The following STX8 variants were observed in gnomAD, a reference collection of about 807,000 sequenced individuals.
STX8 encodes the protein syntaxin-8.
A neutral mutation model predicts 37.5 loss-of-function variants in STX8; 23 were observed. The ratio of observed to expected loss-of-function variants is 0.61; its 90% confidence interval spans 0.44 to 0.87. STX8 has a LOEUF of 0.87. Among genes scored for constraint, STX8 ranks in the 40% least tolerant of loss-of-function variants. The pLI, the probability that STX8 is intolerant of heterozygous loss-of-function variation, is 0.00. For missense variants in STX8, 313 were observed against 284.7 expected (o/e 1.10, Z -0.71); for synonymous variants, 115 against 99.1 (o/e 1.16, Z -0.95).
At chr17:9,502,564 A>G (rs906469656) in intron 5 of STX8, among the ~76,000 whole-genome samples, 1 of 152,224 alleles carries the variant, frequency 6.6e-6, no homozygotes, top group African/African-American at 2.4e-5. Flanking sequence ...TTTTACTTGC[A>G]AATTAAAAAT....
At chr17:9,284,499 C>T (rs1234063379) in intron 7 of STX8, among the ~76,000 whole-genome samples, 1 of 152,144 alleles carries the variant, frequency 6.6e-6, no homozygotes, top group African/African-American at 2.4e-5. Context: ...CGGAGATAAA[C>T]AATACATGTT....
At chr17:9,312,052 T>A (rs1490755947) in intron 7 of STX8, among the ~76,000 whole-genome samples, 1 of 152,066 alleles carries the variant, frequency 6.6e-6, no homozygotes, top group African/African-American at 2.4e-5. Flanking sequence ...TTTCACCTGT[T>A]GGCCAGGCTG....
chr17:9,487,303 A>C (rs1906639996), intron 6 of STX8, among the ~76,000 whole-genome samples: 2 of 152,206 alleles, frequency 1.3e-5, no homozygotes, highest in Admixed American at 1.3e-4. Flanking sequence ...AAAATTCAGC[A>C]GGCCGGTAAA....
Position 9,320,513 on chromosome 17 carries a change from C to G in STX8, c.643+58039G>C, listed in dbSNP as rs80071271. 4.3e-3 allele frequency among the ~76,000 whole-genome samples: 650 copies of G among 152,138 alleles called. 7 individuals are homozygous for G. The highest frequency in any genetic ancestry group is 0.015 in the African/African-American group (608 of 41,502). Reference sequence around the variant, plus strand: ...CCATAGCTCATTTCTTGGTATTACACTGTATAATATTCATATACACATAAT... The same window carrying G: ...CCATAGCTCATTTCTTGGTATTACAGTGTATAATATTCATATACACATAAT... On this transcript the variant is annotated intron_variant, in intron 7 of 7. Coordinates refer to ENST00000306357, the MANE Select transcript of STX8 (RefSeq NM_004853.3).
chr17:9,452,850 G>A (rs1351006677), intron 6 of STX8, among the ~76,000 whole-genome samples: 1 of 151,380 alleles, frequency 6.6e-6, no homozygotes, highest in Non-Finnish European at 1.5e-5. Context: ...CCAGGCTGCA[G>A]TGCTATAGTG....
At chr17:9,448,189 A>AAG (rs34726005) in intron 6 of STX8, among the ~76,000 whole-genome samples, 3 of 150,952 alleles carry the variant, frequency 2.0e-5, no homozygotes, top group African/African-American at 7.3e-5. Context: ...AAAAAAAAAA[A>AAG]GTTTGATCCT....
intron 4 of STX8, among the ~76,000 whole-genome samples, chr17:9,526,506 T>A (rs1157445439): frequency 6.6e-6 from 1 of 152,126 alleles, no homozygotes; most frequent in Non-Finnish European, 1.5e-5. Context: ...GAGGGAGAAA[T>A]AACTTTTATT....
At chr17:9,538,467 A>G (rs1906148330) in intron 4 of STX8, among the ~76,000 whole-genome samples, 1 of 152,232 alleles carries the variant, frequency 6.6e-6, no homozygotes, top group South Asian at 2.1e-4. Context: ...AATGGGGAGG[A>G]GCATTTTTAA....
At chr17:9,318,528 A>G (rs1909463477) in intron 7 of STX8, among the ~76,000 whole-genome samples, 1 of 152,198 alleles carries the variant, frequency 6.6e-6, no homozygotes, top group South Asian at 2.1e-4. Flanking sequence ...GACATTTCAG[A>G]ACAGCAACAA....
chr17:9,387,485 G>A (rs533164129), intron 6 of STX8, among the ~76,000 whole-genome samples: 2 of 152,236 alleles, frequency 1.3e-5, no homozygotes, highest in African/African-American at 2.4e-5. Flanking sequence ...TAGTAGACAC[G>A]GGTTTCACCG....
At chr17:9,380,571 GC>G (rs1459829239) in intron 6 of STX8, among the ~76,000 whole-genome samples, 4 of 151,834 alleles carry the variant, frequency 2.6e-5, no homozygotes, top group Non-Finnish European at 5.9e-5. Flanking sequence ...CTTACAGTGA[GC>G]CTATATAGTC....
intron 6 of STX8, among the ~76,000 whole-genome samples, chr17:9,405,706 A>G (rs1804415949): frequency 6.6e-6 from 1 of 152,194 alleles, no homozygotes; most frequent in Non-Finnish European, 1.5e-5. Context: ...CTCACTTGCA[A>G]TGAAAATCTG....
At chr17:9,308,678 G>C (rs1449773563) in intron 7 of STX8, among the ~76,000 whole-genome samples, 1 of 146,136 alleles carries the variant, frequency 6.8e-6, no homozygotes, top group Admixed American at 7.0e-5. Context: ...AGCCGAGATC[G>C]TGCCATAGCA....
chr17:9,562,164 G>A (rs927351322), intron 2 of STX8, among the ~76,000 whole-genome samples: 1 of 152,026 alleles, frequency 6.6e-6, no homozygotes, highest in African/African-American at 2.4e-5. Context: ...AGCACTTTGG[G>A]AGGCTGAGGC....
At chr17:9,304,799 T>C (rs997701610) in intron 7 of STX8, among the ~76,000 whole-genome samples, 31 of 151,918 alleles carry the variant, frequency 2.0e-4, no homozygotes, top group African/African-American at 6.8e-4. Context: ...TCTGGTAAAA[T>C]TGATCAAAAT....
intron 6 of STX8, among the ~76,000 whole-genome samples, chr17:9,418,750 G>A (rs1249368987): frequency 8.1e-5 from 12 of 147,544 alleles, no homozygotes; most frequent in Non-Finnish European, 1.8e-4. Context: ...TGGCATGAAC[G>A]TGGGAGGTGG....
rs1465204922 is a variant in STX8 at position 9,492,006 on chromosome 17, G to A, written c.449-85C>T. ...AAGTATACCCAGGCATATAACACAA[G>A]TTGACATATAAATCAGTCAGGAAAA... On this transcript the variant is annotated intron_variant, in intron 5 of 7. Transcript: ENST00000306357. 30 of 891,616 alleles carry A rather than the reference G, an allele frequency of 3.4e-5. No individual in the cohort carries two copies. In the East Asian group the frequency reaches 7.7e-4, roughly 23 times the overall value. The allele number at this position is 891,616 out of a possible 1,614,324, so 55.2% of individuals were successfully genotyped here.
At chr17:9,440,084 C>T (rs1466300842) in intron 6 of STX8, among the ~76,000 whole-genome samples, 2 of 151,980 alleles carry the variant, frequency 1.3e-5, no homozygotes, top group African/African-American at 4.8e-5. Context: ...ATTTCCAGAA[C>T]CATGGAAAAT....
chr17:9,539,357 A>G (rs1301748485), intron 4 of STX8, among the ~76,000 whole-genome samples: 1 of 152,122 alleles, frequency 6.6e-6, no homozygotes, highest in Non-Finnish European at 1.5e-5. Context: ...AAAAGAGGGA[A>G]ACAGAGGTAG....
Sources: allele counts gnomAD v4.1 joint callset (sites outside exome capture counted in the v4.1 genomes callset), GRCh38; gene constraint gnomAD v4.1.1; transcripts MANE v1.5; gene names NCBI Gene and HGNC (gene_info 2026-07-23, HGNC 2026-07-21).